VWC2L: variants seen among roughly 807,000 people sequenced by gnomAD.
The protein encoded by VWC2L is von Willebrand factor C domain containing 2 like.
Under a neutral mutation model 21.6 loss-of-function variants are expected in VWC2L, and 10 were observed. That is an observed-to-expected ratio of 0.46 (90% CI 0.29 to 0.78). The LOEUF (loss-of-function observed/expected upper bound fraction) is 0.78, where lower values mean the gene tolerates loss of function less well. Among genes scored for constraint, VWC2L ranks in the 30% least tolerant of loss-of-function variants. VWC2L has a pLI of 0.10. For missense variants in VWC2L, 209 were observed against 277.1 expected (o/e 0.75, Z 1.74); for synonymous variants, 96 against 94.3 (o/e 1.02, Z -0.10).
chr2:214,564,546 T>C (rs953322941), intron 3 of VWC2L, among the ~76,000 whole-genome samples: 2 of 152,128 alleles, frequency 1.3e-5, no homozygotes, highest in African/African-American at 4.8e-5. Context: ...CGCATGGTAG[T>C]GGCTACTGAA....
At chr2:214,538,276 A>G (rs1476059712) in intron 3 of VWC2L, among the ~76,000 whole-genome samples, 2 of 152,006 alleles carry the variant, frequency 1.3e-5, no homozygotes, top group African/African-American at 4.8e-5. Context: ...AAATTACCAC[A>G]CTGAATAGAC....
Position 214,576,001 on chromosome 2 carries a change from A to G in VWC2L, c.*181A>G. 1.9e-6 allele frequency: 1 copy of G among 539,746 alleles called. No homozygotes were observed. The highest frequency in any genetic ancestry group is 3.2e-5 in the East Asian group (1 of 30,838). 33.4% of individuals were successfully genotyped at this position (539,746 alleles called of 1,614,324 possible). ...AGAGGAAATTTCTTTCTCTCTTGCT[A>G]TATAAAATATATATAGTATATAGCT... On this transcript the variant is annotated 3_prime_UTR_variant, in exon 4 of 4. Transcript: ENST00000312504.
chr2:214,560,460 C>T (rs966754939), intron 3 of VWC2L, among the ~76,000 whole-genome samples: 7 of 152,128 alleles, frequency 4.6e-5, no homozygotes, highest in Middle Eastern at 6.3e-3. Context: ...GAGAACATGA[C>T]TTCCATTGTG....
intron 3 of VWC2L, among the ~76,000 whole-genome samples, chr2:214,566,915 G>T (rs1690070833): frequency 2.6e-5 from 4 of 152,156 alleles, no homozygotes; most frequent in Admixed American, 2.6e-4. Flanking sequence ...ACCAAGCAGA[G>T]AATTAAAATC....
At chr2:214,534,552 G>A (rs1689495438) in intron 3 of VWC2L, among the ~76,000 whole-genome samples, 1 of 152,088 alleles carries the variant, frequency 6.6e-6, no homozygotes, top group Non-Finnish European at 1.5e-5. Flanking sequence ...GACTCTGGGA[G>A]CATCATCTAT....
chr2:214,417,267 G>A (rs749881231), intron 2 of VWC2L, among the ~76,000 whole-genome samples: 3 of 152,094 alleles, frequency 2.0e-5, no homozygotes, highest in Non-Finnish European at 2.9e-5. Flanking sequence ...TACTGTAGAC[G>A]TACTTACAAT....
chr2:214,560,210 T>C (rs1033857163), intron 3 of VWC2L, among the ~76,000 whole-genome samples: 2 of 152,236 alleles, frequency 1.3e-5, no homozygotes, highest in Non-Finnish European at 2.9e-5. Context: ...TGTGTAATAA[T>C]GTGTTACTAT....
intron 2 of VWC2L, among the ~76,000 whole-genome samples, chr2:214,434,150 A>C (rs1024958314): frequency 1.3e-5 from 2 of 152,144 alleles, no homozygotes; most frequent in Non-Finnish European, 2.9e-5. Context: ...TCATTATTCA[A>C]ACCCTATTCA....
At chr2:214,466,675 T>A (rs1341574166) in intron 3 of VWC2L, among the ~76,000 whole-genome samples, 1 of 152,252 alleles carries the variant, frequency 6.6e-6, no homozygotes, top group African/African-American at 2.4e-5. Context: ...ACTATTGTTT[T>A]CAATCCTATT....
chr2:214,491,091 G>A (rs1248770262), intron 3 of VWC2L, among the ~76,000 whole-genome samples: 1 of 152,180 alleles, frequency 6.6e-6, no homozygotes, highest in African/African-American at 2.4e-5. Context: ...GGTTCTGCAA[G>A]CAGATAATCC....
rs189418082 is a variant in VWC2L at position 214,412,174 on chromosome 2, C to G, written c.-81+388C>G. Among the ~76,000 whole-genome samples, 32 of 152,156 alleles carry G rather than the reference C, an allele frequency of 2.1e-4. 1 individual carries two copies. Among genetic ancestry groups the G allele is most frequent in the Admixed American group, 8.5e-4 (13 of 15,284 alleles). On this transcript the variant is annotated intron_variant, in intron 1 of 3. Transcript: ENST00000312504. The stretch of plus-strand genomic sequence containing the variant: ...AGATATTACATTCCTATTTTTACCT[C>G]TAAGTTTACATTTACCATAACCTAA...
At chr2:214,469,846 T>A (rs1703278310) in intron 3 of VWC2L, among the ~76,000 whole-genome samples, 1 of 152,182 alleles carries the variant, frequency 6.6e-6, no homozygotes, top group Non-Finnish European at 1.5e-5. Context: ...GAAAAAATCT[T>A]GGCTGTATGA....
At chr2:214,545,679 T>C (rs1278362501) in intron 3 of VWC2L, among the ~76,000 whole-genome samples, 1 of 152,204 alleles carries the variant, frequency 6.6e-6, no homozygotes, top group Non-Finnish European at 1.5e-5. Flanking sequence ...AGAGTATTTG[T>C]CAATTTCAAC....
intron 3 of VWC2L, among the ~76,000 whole-genome samples, chr2:214,464,465 T>C (rs1207341279): frequency 6.6e-6 from 1 of 152,104 alleles, no homozygotes; most frequent in Non-Finnish European, 1.5e-5. Flanking sequence ...GCAGAGTCTC[T>C]TGTTTTCTTT....
intron 3 of VWC2L, among the ~76,000 whole-genome samples, chr2:214,557,000 T>C (rs1375763400): frequency 6.6e-6 from 1 of 152,172 alleles, no homozygotes; most frequent in Non-Finnish European, 1.5e-5. Flanking sequence ...GGAGTCTTCT[T>C]ACTGTTCCCT....
At chr2:214,531,135 C>G (rs1689427857) in intron 3 of VWC2L, among the ~76,000 whole-genome samples, 1 of 152,124 alleles carries the variant, frequency 6.6e-6, no homozygotes, top group Non-Finnish European at 1.5e-5. Flanking sequence ...AGTGGCTATT[C>G]CCCCAAGGAC....
At chr2:214,502,808 G>T (rs1688913115) in intron 3 of VWC2L, among the ~76,000 whole-genome samples, 1 of 152,102 alleles carries the variant, frequency 6.6e-6, no homozygotes, top group African/African-American at 2.4e-5. Context: ...TCCTTAACTA[G>T]ATTGTGTTTT....
At chr2:214,461,167 C>A (rs1703135180) in intron 3 of VWC2L, among the ~76,000 whole-genome samples, 1 of 152,182 alleles carries the variant, frequency 6.6e-6, no homozygotes, top group South Asian at 2.1e-4. Flanking sequence ...ACAAATGTTC[C>A]TGTCCTTGGG....
chr2:214,446,794 A>G (rs990693536), intron 3 of VWC2L, among the ~76,000 whole-genome samples: 1 of 152,154 alleles, frequency 6.6e-6, no homozygotes, highest in African/African-American at 2.4e-5. Flanking sequence ...GGTATGCAAT[A>G]CTTTAATGTT....
Sources: allele counts gnomAD v4.1 joint callset (sites outside exome capture counted in the v4.1 genomes callset), GRCh38; gene constraint gnomAD v4.1.1; transcripts MANE v1.5; gene names NCBI Gene and HGNC (gene_info 2026-07-23, HGNC 2026-07-21).